Variants in NELL1 observed in about 807,000 individuals in gnomAD.
NELL1 encodes neural EGFL like 1.
A neutral mutation model predicts 107.4 loss-of-function variants in NELL1; 76 were observed. That is an observed-to-expected ratio of 0.71 (90% CI 0.59 to 0.86). The LOEUF (loss-of-function observed/expected upper bound fraction) is 0.86, where lower values mean the gene tolerates loss of function less well. Among genes scored for constraint, NELL1 ranks in the 40% least tolerant of loss-of-function variants. The pLI, the probability that NELL1 is intolerant of heterozygous loss-of-function variation, is 0.00. For synonymous variants in NELL1, 353 were observed against 341.2 expected (o/e 1.03, Z -0.38); for missense variants, 1,024 against 1,005.5 (o/e 1.02, Z -0.25).
chr11:21,485,078 TA>T (rs1423527655), intron 15 of NELL1, among the ~76,000 whole-genome samples: 1 of 152,060 alleles, frequency 6.6e-6, no homozygotes. Flanking sequence ...TTGCCATGTA[TA>T]ATCCTAGCCA....
intron 9 of NELL1, among the ~76,000 whole-genome samples, chr11:20,930,242 T>C (rs2134175750): frequency 6.6e-6 from 1 of 152,298 alleles, no homozygotes; most frequent in African/African-American, 2.4e-5. Flanking sequence ...CCATAATAGC[T>C]CCACTTAGAA....
intron 4 of NELL1, among the ~76,000 whole-genome samples, chr11:20,862,798 C>T (rs915232615): frequency 1.1e-4 from 16 of 151,882 alleles, no homozygotes; most frequent in Non-Finnish European, 1.9e-4. Context: ...TAGGGAGTGG[C>T]GATGACTCTC....
At chr11:21,207,320 A>G (rs1402018460) in intron 13 of NELL1, among the ~76,000 whole-genome samples, 2 of 152,180 alleles carry the variant, frequency 1.3e-5, no homozygotes, top group East Asian at 3.8e-4. Flanking sequence ...AGAGACATCA[A>G]GTATGCTTTC....
At chr11:21,005,771 C>A (rs567471339) in intron 12 of NELL1, among the ~76,000 whole-genome samples, 26 of 152,120 alleles carry the variant, frequency 1.7e-4, no homozygotes, top group Non-Finnish European at 3.1e-4. Context: ...CAAACGTAAC[C>A]GTGATGGATT....
intron 14 of NELL1, among the ~76,000 whole-genome samples, chr11:21,279,596 C>T (rs2133945694): frequency 6.6e-6 from 1 of 152,172 alleles, no homozygotes; most frequent in East Asian, 1.9e-4. Flanking sequence ...GACACACTAA[C>T]AGCACCAAAT....
At chr11:21,048,496 C>G (rs1185410509) in intron 12 of NELL1, among the ~76,000 whole-genome samples, 2 of 152,148 alleles carry the variant, frequency 1.3e-5, no homozygotes, top group Non-Finnish European at 2.9e-5. Flanking sequence ...ACAATCCTCT[C>G]TTGGATAATG....
At chr11:20,870,984 C>T (rs1461542230) in intron 4 of NELL1, among the ~76,000 whole-genome samples, 3 of 152,178 alleles carry the variant, frequency 2.0e-5, no homozygotes, top group Non-Finnish European at 4.4e-5. Flanking sequence ...TATTAAAAAA[C>T]AATCAAGTTT....
intron 15 of NELL1, among the ~76,000 whole-genome samples, chr11:21,433,005 A>G (rs577881965): frequency 2.0e-5 from 3 of 152,098 alleles, no homozygotes; most frequent in South Asian, 2.1e-4. Flanking sequence ...ACCTCTGCCT[A>G]TCCTTCCCTC....
chr11:20,914,718 A>C (rs777673452), intron 5 of NELL1, among the ~76,000 whole-genome samples: 1 of 151,994 alleles, frequency 6.6e-6, no homozygotes, highest in Non-Finnish European at 1.5e-5. Context: ...TTTGGTTTTC[A>C]AGAGTTAGTA....
At chr11:20,992,949 G>T (rs1010345625) in intron 12 of NELL1, among the ~76,000 whole-genome samples, 1 of 151,786 alleles carries the variant, frequency 6.6e-6, no homozygotes, top group African/African-American at 2.4e-5. Flanking sequence ...TCTTGACCTC[G>T]TGATCCGCCC....
chr11:21,423,141 C>T (rs577622023), intron 15 of NELL1, among the ~76,000 whole-genome samples: 50 of 152,086 alleles, frequency 3.3e-4, no homozygotes, highest in Middle Eastern at 6.8e-3. Flanking sequence ...CCAAGGTGGG[C>T]GGTTCATGAG....
rs928124881 is a variant in NELL1, at chr11:21,575,221, A to G, written c.*199A>G. 8 of 573,130 alleles carry G rather than the reference A, an allele frequency of 1.4e-5. No homozygotes were observed. The highest frequency in any genetic ancestry group is 7.5e-5 in the African/African-American group (4 of 53,212). The allele number at this position is 573,130 out of a possible 1,614,324, so 35.5% of individuals were successfully genotyped here. ...TTGCTCATTCTTGCTAACCTAGTCT[A>G]GGTGACCTACAGTGCCGTGCATTTA... is the stretch of plus-strand genomic sequence containing the variant. On this transcript the variant is annotated 3_prime_UTR_variant, in exon 20 of 20. Transcript: ENST00000357134.
At chr11:21,232,273 T>A (rs992145450) in intron 14 of NELL1, among the ~76,000 whole-genome samples, 4 of 146,796 alleles carry the variant, frequency 2.7e-5, no homozygotes, top group Admixed American at 6.9e-5. Flanking sequence ...GAGGTTGCAG[T>A]GAGCCGAGAT....
chr11:20,984,647 G>A (rs550829528), intron 12 of NELL1, among the ~76,000 whole-genome samples: 6 of 151,664 alleles, frequency 4.0e-5, no homozygotes, highest in South Asian at 4.2e-4. Flanking sequence ...TAACCTGGCC[G>A]GGCATCTGCA....
intron 15 of NELL1, among the ~76,000 whole-genome samples, chr11:21,490,307 A>T (rs528233890): frequency 3.0e-4 from 46 of 152,158 alleles, no homozygotes; most frequent in African/African-American, 1.1e-3. Flanking sequence ...ACAAATTGAA[A>T]GACATTACAT....
At chr11:21,309,290 A>ATAT (rs1554999599) in intron 14 of NELL1, among the ~76,000 whole-genome samples, 2 of 123,738 alleles carry the variant, frequency 1.6e-5, no homozygotes, top group African/African-American at 6.9e-5. Context: ...GTATATATAT[A>ATAT]TATATATATG....
At chr11:20,775,331 A>G (rs956219625) in intron 2 of NELL1, among the ~76,000 whole-genome samples, 3 of 152,158 alleles carry the variant, frequency 2.0e-5, no homozygotes, top group Admixed American at 6.5e-5. Context: ...GACATTTCCT[A>G]TGTTATTTCA....
intron 2 of NELL1, among the ~76,000 whole-genome samples, chr11:20,771,481 G>A (rs1197908132): frequency 6.6e-6 from 1 of 152,140 alleles, no homozygotes; most frequent in Admixed American, 6.5e-5. Flanking sequence ...ATTTCTTCAG[G>A]AGTATTTTCC....
At chr11:21,005,668 G>A (rs2134279530) in intron 12 of NELL1, among the ~76,000 whole-genome samples, 2 of 152,254 alleles carry the variant, frequency 1.3e-5, no homozygotes. Flanking sequence ...GCTTTCTGAT[G>A]TCTCATTAAC....
Sources: allele counts gnomAD v4.1 joint callset (sites outside exome capture counted in the v4.1 genomes callset), GRCh38; gene constraint gnomAD v4.1.1; transcripts MANE v1.5; gene names NCBI Gene and HGNC (gene_info 2026-07-23, HGNC 2026-07-21).